The following TPO variants were observed in gnomAD, a reference collection of about 807,000 sequenced individuals.
TPO encodes the protein thyroid peroxidase, also known as thyroid microsomal antigen.
In TPO, 78 loss-of-function variants were observed where a neutral mutation model predicts 96.9. That is an observed-to-expected ratio of 0.81 (90% CI 0.67 to 0.97). The LOEUF (loss-of-function observed/expected upper bound fraction) is 0.97. Among genes scored for constraint, TPO ranks in the 50% least tolerant of loss-of-function variants. The pLI, the probability that TPO is intolerant of heterozygous loss-of-function variation, is 0.00. For synonymous variants in TPO, 547 were observed against 538.0 expected (o/e 1.02, Z -0.23); for missense variants, 1,252 against 1,274.8 (o/e 0.98, Z 0.27).
At chr2:1,412,859 A>G (rs913259392), upstream of TPO, among the ~76,000 whole-genome samples, 1 of 151,844 alleles carries the variant, frequency 6.6e-6, no homozygotes, top group Non-Finnish European at 1.5e-5. Flanking sequence ...GAATGCAGTC[A>G]TGGTGACCTT....
chr2:1,404,707 G>A (rs572865627), intron 1 of TPO, among the ~76,000 whole-genome samples: 30 of 152,276 alleles, frequency 2.0e-4, no homozygotes, highest in South Asian at 8.3e-4. Flanking sequence ...ACAAATGTCC[G>A]TGGTTTAAAC....
chr2:1,426,428 G>A (rs1245045379), intron 3 of TPO, among the ~76,000 whole-genome samples: 10 of 152,086 alleles, frequency 6.6e-5, no homozygotes, highest in Non-Finnish European at 1.5e-5. Context: ...ATCCTCAGAA[G>A]TCCATGCTTC....
intron 15 of TPO, among the ~76,000 whole-genome samples, chr2:1,529,918 AC>A (rs145264507): frequency 2.4e-3 from 132 of 56,116 alleles, no homozygotes; most frequent in African/African-American, 9.5e-3. Context: ...AACTCCCCAA[AC>A]CCCCCCCTTG....
Position 1,453,812 on chromosome 2 carries a change from C to T in TPO, c.601C>T (p.Pro201Ser). ...WNPGFLYNGF[P>S]LPPVREVTRH... is the part of the protein sequence containing the mutation. Reference sequence around the variant, plus strand: ...CCCCGGCTTCTTGTACAACGGGTTCCCACTGCCCCCGGTGGGTACTCAGAA... The same window carrying T: ...CCCCGGCTTCTTGTACAACGGGTTCTCACTGCCCCCGGTGGGTACTCAGAA... Residue 201 changes from proline to serine, a missense_variant, in exon 6 of 17, where the codon CCA becomes TCA. By Grantham distance (74) the Pro-to-Ser change is moderately conservative (BLOSUM62 -1). Transcript: ENST00000329066. The T allele has an allele frequency of 6.2e-7, 1 of 1,613,704 alleles. No homozygotes were observed. Among genetic ancestry groups the T allele is most frequent in the South Asian group, 1.1e-5 (1 of 91,082 alleles).
intron 1 of TPO, among the ~76,000 whole-genome samples, chr2:1,392,919 A>C (rs1662025731): frequency 6.6e-6 from 1 of 152,178 alleles, no homozygotes; most frequent in Admixed American, 6.5e-5. Flanking sequence ...ACTTAGGATG[A>C]AAATGAAATA....
chr2:1,374,920 G>T (rs1000253627), intron 1 of TPO, among the ~76,000 whole-genome samples: 1 of 151,460 alleles, frequency 6.6e-6, no homozygotes, highest in Non-Finnish European at 1.5e-5. Flanking sequence ...TAGTAGAGAC[G>T]GGGTTTCACT....
intron 2 of TPO, among the ~76,000 whole-genome samples, chr2:1,419,606 T>C (rs1465882955): frequency 1.3e-5 from 2 of 152,188 alleles, no homozygotes; most frequent in Non-Finnish European, 2.9e-5. Context: ...CCAGAGGCAT[T>C]TGTGTGGCAA....
Position 1,456,150 on chromosome 2 carries a change from C to A in TPO, c.687C>A (p.Leu229=). 1 of 1,614,104 alleles carries A rather than the reference C, an allele frequency of 6.2e-7. No individual in the cohort carries two copies. The highest frequency in any genetic ancestry group is 2.2e-5 in the East Asian group (1 of 44,882). ...VVTDDDRYSD[L]LMAWGQYIDH... Reference sequence around the variant, plus strand: ...CAGATGATGACCGCTATTCTGACCTCCTGATGGCATGGGGACAATACATCG... The same window carrying A: ...CAGATGATGACCGCTATTCTGACCTACTGATGGCATGGGGACAATACATCG... Residue 229 remains leucine, a synonymous_variant, in exon 7 of 17, where the codon CTC becomes CTA. Coordinates refer to ENST00000329066, the MANE Select transcript of TPO (RefSeq NM_001206744.2).
At chr2:1,539,806 C>A (rs980403825) in intron 15 of TPO, among the ~76,000 whole-genome samples, 3 of 144,420 alleles carry the variant, frequency 2.1e-5, no homozygotes, top group African/African-American at 7.9e-5. Flanking sequence ...ATGATGGTGC[C>A]ATGCAGAGTT....
At chr2:1,541,131 C>A in intron 16 of TPO, 9 of 1,186,426 alleles carry the variant, frequency 7.6e-6, no homozygotes, top group Non-Finnish European at 8.5e-6. Context: ...TACCCCCTTA[C>A]CTTGTATGCA....
At chr2:1,464,893 C>G (rs971468822) in intron 7 of TPO, among the ~76,000 whole-genome samples, 1 of 152,166 alleles carries the variant, frequency 6.6e-6, no homozygotes, top group Non-Finnish European at 1.5e-5. Flanking sequence ...TGCAAAAGCT[C>G]TTTAGTTTAA....
At chr2:1,419,922 G>C (rs1192675095) in intron 2 of TPO, among the ~76,000 whole-genome samples, 1 of 152,170 alleles carries the variant, frequency 6.6e-6, no homozygotes, top group African/African-American at 2.4e-5. Context: ...GATGCAGGGA[G>C]AGAAAAGGTT....
intron 1 of TPO, among the ~76,000 whole-genome samples, chr2:1,407,984 G>C (rs1662271740): frequency 6.6e-6 from 1 of 152,162 alleles, no homozygotes; most frequent in South Asian, 2.1e-4. Flanking sequence ...ATGTGATGTG[G>C]ACTGACACGT....
At chr2:1,441,718 C>A (rs1666211469) in intron 5 of TPO, among the ~76,000 whole-genome samples, 1 of 152,158 alleles carries the variant, frequency 6.6e-6, no homozygotes, top group Non-Finnish European at 1.5e-5. Flanking sequence ...GGGGTCACGT[C>A]ACTTGCAGGT....
At chr2:1,435,709 G>A (rs150455917) in intron 4 of TPO, among the ~76,000 whole-genome samples, 130 of 152,206 alleles carry the variant, frequency 8.5e-4, no homozygotes, top group African/African-American at 3.0e-3. Flanking sequence ...CTGGGTTCTC[G>A]TCTCATCTGG....
At chr2:1,499,825 T>C (rs1224364632) in intron 13 of TPO, among the ~76,000 whole-genome samples, 1 of 152,226 alleles carries the variant, frequency 6.6e-6, no homozygotes, top group Admixed American at 6.5e-5. Flanking sequence ...CCGTAGCCAT[T>C]TAATCTGTCT....
At chr2:1,440,403 T>C (rs943140950) in intron 5 of TPO, among the ~76,000 whole-genome samples, 2 of 152,232 alleles carry the variant, frequency 1.3e-5, no homozygotes, top group African/African-American at 4.8e-5. Context: ...TTTGTTGGTA[T>C]TTTCCTAATT....
intron 7 of TPO, among the ~76,000 whole-genome samples, chr2:1,476,695 TG>T (rs1429720074): frequency 6.6e-6 from 1 of 152,206 alleles, no homozygotes; most frequent in African/African-American, 2.4e-5. Flanking sequence ...GTCTGAGCTT[TG>T]GGGAGATGTG....
rs752849244 is a variant in TPO at position 1,516,877 on chromosome 2, C to A, written c.2519-6C>A. 6.2e-7 allele frequency: 1 copy of A among 1,613,726 alleles called. No individual in the cohort carries two copies. Among genetic ancestry groups the A allele is most frequent in the South Asian group, 1.1e-5 (1 of 91,072 alleles). On this transcript the variant is annotated splice_polypyrimidine_tract_variant and splice_region_variant and intron_variant, in intron 14 of 16. Transcript: ENST00000329066. ...TCTTCTAACCAGGCCTCTTTCTGTG[C>A]CCCAGACTCCGGGAGGCTCCCTCGG...
Sources: allele counts gnomAD v4.1 joint callset (sites outside exome capture counted in the v4.1 genomes callset), GRCh38; gene constraint gnomAD v4.1.1; transcripts MANE v1.5; gene names NCBI Gene and HGNC (gene_info 2026-07-23, HGNC 2026-07-21).